Variants in MAGI2 observed in about 807,000 individuals in gnomAD.
MAGI2 encodes membrane-associated guanylate kinase, WW and PDZ domain-containing protein 2.
Under a neutral mutation model 133.3 loss-of-function variants are expected in MAGI2, and 35 were observed. That is an observed-to-expected ratio of 0.26 (90% CI 0.20 to 0.35). MAGI2 has a LOEUF of 0.35. Ranked by LOEUF, MAGI2 falls within the 10% of genes least tolerant of loss-of-function variation. The pLI is 1.00. For missense variants in MAGI2, 1,636 were observed against 1,863.4 expected, an observed-to-expected ratio of 0.88 and a Z score of 2.25; for synonymous variants, 729 against 710.6, an observed-to-expected ratio of 1.03 and a Z score of -0.41.
intron 10 of MAGI2, among the ~76,000 whole-genome samples, chr7:78,208,104 G>A (rs2150785585): frequency 7.1e-6 from 1 of 140,146 alleles, no homozygotes; most frequent in South Asian, 2.2e-4. Context: ...TCCTGACCTC[G>A]TGATCCATCC....
At chr7:78,356,294 T>C (rs1255888712) in intron 7 of MAGI2, among the ~76,000 whole-genome samples, 1 of 152,130 alleles carries the variant, frequency 6.6e-6, no homozygotes, top group Admixed American at 6.5e-5. Flanking sequence ...GAATGCTGCA[T>C]GTTGTAGGCC....
At chr7:78,226,339 G>T (rs1193265811) in intron 10 of MAGI2, among the ~76,000 whole-genome samples, 1 of 132,258 alleles carries the variant, frequency 7.6e-6, no homozygotes, top group Non-Finnish European at 1.7e-5. Context: ...AAAAAAAAAA[G>T]TGGCCAGCAG....
chr7:79,378,926 G>GTGTGTATATA (rs1158436636), intron 1 of MAGI2, among the ~76,000 whole-genome samples: 4 of 94,590 alleles, frequency 4.2e-5, no homozygotes, highest in African/African-American at 1.4e-4. Context: ...ATGTGTGTGT[G>GTGTGTATATA]TATATATATA....
At chr7:78,503,986 G>A (rs1038624833) in intron 4 of MAGI2, among the ~76,000 whole-genome samples, 5 of 151,670 alleles carry the variant, frequency 3.3e-5, no homozygotes, top group Non-Finnish European at 7.4e-5. Flanking sequence ...GAACTAATAT[G>A]GAAGAAATAA....
chr7:78,708,384 C>T (rs323169), intron 2 of MAGI2, among the ~76,000 whole-genome samples: 103,261 of 151,994 alleles, frequency 0.68, 35,218 homozygotes, highest in East Asian at 0.84. Flanking sequence ...CTCTCTAATT[C>T]TGAAGCCATC....
intron 3 of MAGI2, among the ~76,000 whole-genome samples, chr7:78,601,480 T>C (rs79633659): frequency 0.02 from 3,047 of 152,310 alleles, 110 homozygotes; most frequent in African/African-American, 0.066. Flanking sequence ...TTGCATATTT[T>C]ATATAAAAAG....
At chr7:78,715,650 A>C (rs1011727737) in intron 2 of MAGI2, among the ~76,000 whole-genome samples, 8 of 152,354 alleles carry the variant, frequency 5.3e-5, no homozygotes, top group Non-Finnish European at 1.2e-4. Flanking sequence ...AGAAGGGTGA[A>C]GATACCAAAG....
intron 2 of MAGI2, among the ~76,000 whole-genome samples, chr7:78,924,159 C>CTG (rs1799498708): frequency 9.2e-5 from 14 of 152,098 alleles, no homozygotes; most frequent in Admixed American, 7.9e-4. Context: ...ATTTGACTTC[C>CTG]TCTTTTCCTA....
rs533677389 is a variant in MAGI2, at chr7:78,283,806, A to G, written c.1409-27225T>C. ...GCATCTGTAATTGGCCTAAAAAGCG[A>G]TAAATCTGTTTTTGTAAAGTAACCC... On this transcript the variant is annotated intron_variant, in intron 9 of 21. Coordinates refer to ENST00000354212, the MANE Select transcript of MAGI2 (RefSeq NM_012301.4). 3.9e-5 allele frequency among the ~76,000 whole-genome samples: 6 copies of G among 152,208 alleles called. No individual in the cohort carries two copies. In the East Asian group the frequency reaches 1.2e-3, roughly 29 times the overall value.
chr7:78,957,895 G>C (rs1030806813), intron 2 of MAGI2, among the ~76,000 whole-genome samples: 5 of 152,036 alleles, frequency 3.3e-5, no homozygotes, highest in Admixed American at 3.3e-4. Flanking sequence ...TGACTCAGAG[G>C]TTCCACAATT....
intron 1 of MAGI2, among the ~76,000 whole-genome samples, chr7:79,358,452 C>T (rs848953): frequency 0.14 from 21,694 of 151,872 alleles, 1,718 homozygotes; most frequent in Middle Eastern, 0.19. Flanking sequence ...CTATACCTCT[C>T]GAGGTAACTA....
At chr7:79,424,135 C>T (rs1489888809) in intron 1 of MAGI2, among the ~76,000 whole-genome samples, 2 of 151,988 alleles carry the variant, frequency 1.3e-5, no homozygotes, top group African/African-American at 4.8e-5. Flanking sequence ...AATCTGAGGC[C>T]ATATAGCTAG....
At chr7:78,227,850 T>TTGTGTGTG (rs3085614) in intron 10 of MAGI2, among the ~76,000 whole-genome samples, 5,711 of 145,536 alleles carry the variant, frequency 0.039, 135 homozygotes, top group Non-Finnish European at 0.052. Flanking sequence ...TCTTACTCAG[T>TTGTGTGTG]TGTGTGTGTG....
intron 2 of MAGI2, among the ~76,000 whole-genome samples, chr7:78,633,380 A>G (rs1809242864): frequency 6.6e-6 from 1 of 152,130 alleles, no homozygotes; most frequent in African/African-American, 2.4e-5. Flanking sequence ...AAATCTTCAC[A>G]TGTATCCCCA....
At chr7:79,395,320 G>A (rs1326869019) in intron 1 of MAGI2, among the ~76,000 whole-genome samples, 3 of 152,142 alleles carry the variant, frequency 2.0e-5, no homozygotes, top group African/African-American at 7.2e-5. Context: ...TATAATCAAA[G>A]GAAAGTGTAA....
intron 7 of MAGI2, among the ~76,000 whole-genome samples, chr7:78,353,859 A>C (rs1584975898): frequency 6.6e-6 from 1 of 152,194 alleles, no homozygotes; most frequent in African/African-American, 2.4e-5. Flanking sequence ...GATGGAAGCT[A>C]CAAGACTGGA....
At chr7:78,240,106 T>C (rs911629017) in intron 10 of MAGI2, among the ~76,000 whole-genome samples, 1 of 152,184 alleles carries the variant, frequency 6.6e-6, no homozygotes, top group Non-Finnish European at 1.5e-5. Flanking sequence ...TTACGTTAGG[T>C]ATTTCTCCTA....
intron 1 of MAGI2, among the ~76,000 whole-genome samples, chr7:79,032,674 G>C (rs1810719321): frequency 6.6e-6 from 1 of 151,818 alleles, no homozygotes. Flanking sequence ...GTAGCTTTCA[G>C]GGAATCTATT....
intron 21 of MAGI2, among the ~76,000 whole-genome samples, chr7:78,023,031 AT>A (rs1808560872): frequency 1.3e-5 from 2 of 152,252 alleles, no homozygotes; most frequent in South Asian, 4.1e-4. Context: ...GTGGTTGAAT[AT>A]TTTCATTTTT....
Sources: allele counts gnomAD v4.1 joint callset (sites outside exome capture counted in the v4.1 genomes callset), GRCh38; gene constraint gnomAD v4.1.1; transcripts MANE v1.5; gene names NCBI Gene and HGNC (gene_info 2026-07-23, HGNC 2026-07-21).